FMN2: variants seen among roughly 807,000 people sequenced by gnomAD.
FMN2 encodes formin 2.
FMN2 carries 51 observed loss-of-function variants against 142.3 expected under a neutral mutation model. The observed-to-expected ratio is 0.36, with a 90% CI of 0.29 to 0.45. FMN2 has a LOEUF of 0.45. Among genes scored for constraint, FMN2 ranks in the 20% least tolerant of loss-of-function variants. The probability of loss-of-function intolerance (pLI) is 1.00; values close to 1 mark genes in which losing one functional copy is unlikely to be tolerated. For synonymous variants in FMN2, 882 were observed against 869.8 expected (o/e 1.01, Z -0.25); for missense variants, 1,936 against 2,122.8 (o/e 0.91, Z 1.73).
intron 6 of FMN2, among the ~76,000 whole-genome samples, chr1:240,226,774 A>G (rs1244603705): frequency 6.6e-6 from 1 of 151,892 alleles, no homozygotes; most frequent in East Asian, 1.9e-4. Flanking sequence ...CAATAGCTGT[A>G]GAATCCGCAG....
At chr1:240,454,186 G>A (rs542838696) in intron 16 of FMN2, among the ~76,000 whole-genome samples, 45 of 64,998 alleles carry the variant, frequency 6.9e-4, no homozygotes, top group African/African-American at 1.8e-3. Flanking sequence ...CAATCATGGC[G>A]TTTTCTCTTT....
intron 8 of FMN2, among the ~76,000 whole-genome samples, chr1:240,321,681 G>C (rs1670978266): frequency 6.6e-6 from 1 of 152,178 alleles, no homozygotes; most frequent in African/African-American, 2.4e-5. Context: ...TATGAAGCTA[G>C]ATTCTTTTCC....
At chr1:240,388,003 C>T (rs1459501459) in intron 14 of FMN2, among the ~76,000 whole-genome samples, 1 of 151,584 alleles carries the variant, frequency 6.6e-6, no homozygotes, top group Non-Finnish European at 1.5e-5. Flanking sequence ...CGGTGAAACC[C>T]CGTTTCTACT....
intron 15 of FMN2, among the ~76,000 whole-genome samples, chr1:240,417,985 C>G (rs551989994): frequency 6.6e-6 from 1 of 152,162 alleles, no homozygotes; most frequent in African/African-American, 2.4e-5. Context: ...TAATACACTT[C>G]ACCTTATAAT....
intron 6 of FMN2, among the ~76,000 whole-genome samples, chr1:240,243,431 G>A (rs909916852): frequency 1.3e-5 from 2 of 152,150 alleles, no homozygotes; most frequent in Admixed American, 1.3e-4. Context: ...TTCCCAAGGG[G>A]CAGGAGTTGG....
At chr1:240,431,508 G>A (rs1303226813) in intron 15 of FMN2, among the ~76,000 whole-genome samples, 1 of 150,344 alleles carries the variant, frequency 6.7e-6, no homozygotes, top group African/African-American at 2.4e-5. Flanking sequence ...TCAGTACAAT[G>A]TTGAATAGAA....
chr1:240,248,824 A>G (rs1668177536), intron 6 of FMN2, among the ~76,000 whole-genome samples: 1 of 151,978 alleles, frequency 6.6e-6, no homozygotes, highest in African/African-American at 2.4e-5. Flanking sequence ...AGTGATGTTG[A>G]GCAGTTTTTT....
intron 6 of FMN2, among the ~76,000 whole-genome samples, chr1:240,230,861 C>G (rs1264254956): frequency 7.6e-6 from 1 of 131,660 alleles, no homozygotes; most frequent in Non-Finnish European, 1.6e-5. Context: ...GTTCTTCATG[C>G]TAGAAGCTAG....
intron 16 of FMN2, among the ~76,000 whole-genome samples, chr1:240,470,723 G>A (rs1380484012): frequency 6.6e-6 from 1 of 151,964 alleles, no homozygotes; most frequent in African/African-American, 2.4e-5. Context: ...CCAAGCCACA[G>A]CCTCTTTGGT....
At chr1:240,472,111 A>C (rs1676830623) in intron 16 of FMN2, 1 of 357,742 alleles carries the variant, frequency 2.8e-6, no homozygotes, top group Non-Finnish European at 5.0e-6. Context: ...CACACTCTGC[A>C]TAGAAATTCT....
intron 8 of FMN2, among the ~76,000 whole-genome samples, chr1:240,308,915 A>G: frequency 6.6e-6 from 1 of 152,130 alleles, no homozygotes; most frequent in East Asian, 1.9e-4. Context: ...AGCTTGGTAG[A>G]AAATGGGGCA....
chr1:240,419,857 T>C (rs1047347537), intron 15 of FMN2, among the ~76,000 whole-genome samples: 1 of 152,166 alleles, frequency 6.6e-6, no homozygotes, highest in South Asian at 2.1e-4. Context: ...CAGCCACCTG[T>C]AGCCTCCTGT....
intron 2 of FMN2, among the ~76,000 whole-genome samples, chr1:240,146,474 G>C (rs998913899): frequency 3.3e-5 from 5 of 151,556 alleles, no homozygotes; most frequent in Admixed American, 6.6e-5. Context: ...AGGCCAAGGC[G>C]GGCAGATCAC....
chr1:240,205,938 C>T (rs1666336645), intron 4 of FMN2, among the ~76,000 whole-genome samples: 1 of 148,624 alleles, frequency 6.7e-6, no homozygotes, highest in South Asian at 2.1e-4. Flanking sequence ...CTCTGTTTCC[C>T]AGGCGGGAGT....
intron 2 of FMN2, among the ~76,000 whole-genome samples, chr1:240,156,522 A>G (rs532590096): frequency 6.6e-5 from 10 of 152,348 alleles, no homozygotes; most frequent in African/African-American, 2.2e-4. Context: ...AACTGGTTCC[A>G]GTAACGCTGT....
At chr1:240,204,605 G>T (rs1027105391) in intron 4 of FMN2, among the ~76,000 whole-genome samples, 22 of 152,160 alleles carry the variant, frequency 1.4e-4, no homozygotes, top group African/African-American at 4.8e-4. Flanking sequence ...ACAAAAATTA[G>T]CCGGGCGTGG....
At chr1:240,300,195 A>G (rs1038660962) in intron 8 of FMN2, among the ~76,000 whole-genome samples, 1 of 152,068 alleles carries the variant, frequency 6.6e-6, no homozygotes, top group South Asian at 2.1e-4. Context: ...GATTCTAACT[A>G]CCTCTTTTCA....
intron 16 of FMN2, chr1:240,459,465 A>T (rs1676362625): frequency 6.6e-6 from 1 of 152,204 alleles, no homozygotes; most frequent in Non-Finnish European, 1.5e-5. Flanking sequence ...CACGCCTGTA[A>T]TCCCAGCACT....
chr1:240,275,100 T>G (rs1669151277), intron 7 of FMN2, among the ~76,000 whole-genome samples: 1 of 150,796 alleles, frequency 6.6e-6, no homozygotes. Context: ...TTTTTTGTCT[T>G]TTATTATACT....
Sources: gnomAD v4.1 joint callset for allele counts (sites outside exome capture counted in the v4.1 genomes callset) on GRCh38, gnomAD v4.1.1 for gene constraint, MANE v1.5 for transcripts, NCBI Gene and HGNC (gene_info 2026-07-23, HGNC 2026-07-21) for gene names.